DNAH17: variants seen among roughly 807,000 people sequenced by gnomAD.
DNAH17 encodes the protein dynein axonemal heavy chain 17.
A neutral mutation model predicts 485.6 loss-of-function variants in DNAH17; 376 were observed. The ratio of observed to expected loss-of-function variants is 0.77; its 90% CI spans 0.71 to 0.84. DNAH17 has a LOEUF of 0.84. Among genes scored for constraint, DNAH17 ranks in the 40% least tolerant of loss-of-function variants. DNAH17 has a pLI of 0.00. For missense variants in DNAH17, 6,370 were observed against 5,839.3 expected, an observed-to-expected ratio of 1.09 and a Z score of -2.96; for synonymous variants, 3,031 against 2,405.9, an observed-to-expected ratio of 1.26 and a Z score of -7.60.
chr17:78,562,097 C>G, intron 11 of DNAH17, 117 bp from the exon 12 acceptor site: 1 of 1,226,246 alleles, frequency 8.2e-7, no homozygotes, highest in Non-Finnish European at 1.1e-6. Context: ...TGTACCTTGC[C>G]AAAACAAAAC....
chr17:78,560,236 T>C (rs904190095), intron 13 of DNAH17, among the ~76,000 whole-genome samples: 1 of 152,192 alleles, frequency 6.6e-6, no homozygotes, highest in South Asian at 2.1e-4. Context: ...AACGAAAGAA[T>C]GAATGTTAGT....
intron 54 of DNAH17, among the ~76,000 whole-genome samples, chr17:78,473,444 T>C (rs1265331536): frequency 2.0e-5 from 3 of 147,284 alleles, no homozygotes; most frequent in Admixed American, 7.0e-5. Flanking sequence ...CTCAGGAGGC[T>C]GAGGCAGGAG....
rs2088217710 is a variant in DNAH17 at position 78,463,015 on chromosome 17, C to T, written c.9003G>A (p.Met3001Ile). The T allele has an allele frequency of 1.2e-6, 2 of 1,613,988 alleles. No individual in the cohort carries two copies. Among genetic ancestry groups the T allele is most frequent in the Non-Finnish European group, 1.7e-6 (2 of 1,179,890 alleles). The change falls in exon 57 of 81, where the codon ATG becomes ATA. Residue 3001 changes from methionine to isoleucine, a missense_variant. By Grantham distance (10) the Met-to-Ile change is conservative (BLOSUM62 1). Transcript: ENST00000389840. Reference sequence around the variant, plus strand: ...TCTCAGTAGCCAGGTATACCCTGGACATCTCGTTGACGGTGGTGTGCACGT... The same window carrying T: ...TCTCAGTAGCCAGGTATACCCTGGATATCTCGTTGACGGTGGTGTGCACGT... ...MSYVHTTVNE[M>I]SRVYLATERR... is the part of the protein sequence containing the mutation.
chr17:78,461,170 T>C (rs1358563996), intron 58 of DNAH17, among the ~76,000 whole-genome samples: 1 of 151,928 alleles, frequency 6.6e-6, no homozygotes, highest in African/African-American at 2.4e-5. Context: ...AGTGAGGTCT[T>C]CTCAACCCCT....
intron 41 of DNAH17, 170 bp downstream of exon 41, chr17:78,493,866 C>T (rs997153832): frequency 3.8e-4 from 370 of 961,420 alleles, no homozygotes; most frequent in Non-Finnish European, 5.2e-4. Context: ...TCCTCCCCTC[C>T]TCCTCGGCCC....
intron 27 of DNAH17, 43 bp downstream of exon 27, chr17:78,510,341 G>T (rs1351471450): frequency 1.2e-6 from 2 of 1,602,322 alleles, no homozygotes; most frequent in South Asian, 1.1e-5. Context: ...GCAGTTTCAG[G>T]CTGATCCCAC....
At chr17:78,546,302 C>A (rs2091762106) in intron 16 of DNAH17, among the ~76,000 whole-genome samples, 1 of 152,216 alleles carries the variant, frequency 6.6e-6, no homozygotes, top group South Asian at 2.1e-4. Context: ...ACTTGTCAAT[C>A]ATTTTATCTT....
intron 39 of DNAH17, 55 bp downstream of exon 39, chr17:78,494,904 T>C (rs1598581544): frequency 1.3e-6 from 2 of 1,583,710 alleles, no homozygotes; most frequent in Non-Finnish European, 1.7e-6. Flanking sequence ...CCCTGGCTGC[T>C]GCCCGCATCT....
At position 78,450,675 on chromosome 17, in the gene DNAH17, C is replaced by G. The variant is rs1459432086; in HGVS notation, c.10899+7G>C. The stretch of plus-strand genomic sequence containing the variant: ...CTGCCAGGGCACGTCACCGAGGCAG[C>G]TCTGACCTTCTCCTCGATCTCGCTG... On this transcript the variant is annotated splice_region_variant and intron_variant, in intron 67 of 80. Transcript: ENST00000389840. 1.9e-6 allele frequency: 3 copies of G among 1,610,788 alleles called. No homozygotes were observed. The highest frequency in any genetic ancestry group is 2.2e-5 in the East Asian group (1 of 44,838).
chr17:78,450,916 G>A, intron 66 of DNAH17, 70 bp from the exon 67 acceptor site: 1 of 1,577,332 alleles, frequency 6.3e-7, no homozygotes, highest in Non-Finnish European at 8.6e-7. Flanking sequence ...CCTCCCTCAG[G>A]TGGCCATGTA....
intron 3 of DNAH17, 150 bp from the exon 4 acceptor site, chr17:78,571,932 G>A: frequency 1.4e-6 from 1 of 716,788 alleles, no homozygotes; most frequent in Non-Finnish European, 2.2e-6. Context: ...AGCCACCTCG[G>A]GGACGCTAAA....
At position 78,490,559 on chromosome 17, in the gene DNAH17, G is replaced by C. The variant is rs947410045; in HGVS notation, c.6818+140C>G. 30 of 1,252,012 alleles carry C rather than the reference G, an allele frequency of 2.4e-5. No homozygotes were observed. In the African/African-American group the frequency reaches 4.5e-4, roughly 19 times the overall value. The allele number at this position is 1,252,012 out of a possible 1,614,324, so 77.6% of individuals were successfully genotyped here. A position where few individuals can be genotyped will look rare whatever the true frequency, so the allele number is the denominator to read the frequency against. Reference sequence around the variant, plus strand: ...TTCCCAGGTCTCTCACCCCTTCACTGCTGTGACACTGGTGCCTGGTGAGGG... The same window carrying C: ...TTCCCAGGTCTCTCACCCCTTCACTCCTGTGACACTGGTGCCTGGTGAGGG... On this transcript the variant is annotated intron_variant, in intron 44 of 80. Coordinates refer to ENST00000389840, the MANE Select transcript of DNAH17 (RefSeq NM_173628.4).
chr17:78,454,578 C>T lies in DNAH17; in HGVS notation c.10298G>A (p.Gly3433Asp). 4.3e-6 allele frequency: 7 copies of T among 1,613,078 alleles called. No individual in the cohort carries two copies. Among genetic ancestry groups the T allele is most frequent in the Non-Finnish European group, 5.9e-6 (7 of 1,179,834 alleles). ...RMSTENATILGNTERWPLIVD... is the reference protein window; with the variant it reads ...RMSTENATILDNTERWPLIVD... ...GATCAGCGGCCACCGCTCGGTGTTG[C>T]CCAGGATGGTGGCATTCTCGGTGGA... The change falls in exon 64 of 81, where the codon GGC (glycine) becomes GAC (aspartate). Residue 3433 changes from glycine (G) to aspartate (D), a missense_variant. By Grantham distance (94) the Gly-to-Asp change is moderately conservative (BLOSUM62 -1). Transcript: ENST00000389840.
rs866364674 is a variant in DNAH17 at position 78,536,285 on chromosome 17, T to A, written c.2859+1014A>T. 4.1e-4 allele frequency among the ~76,000 whole-genome samples: 62 copies of A among 150,652 alleles called. 1 individual carries two copies. The highest frequency in any genetic ancestry group is 1.5e-3 in the African/African-American group (60 of 40,982). On this transcript the variant is annotated intron_variant, in intron 19 of 80. Coordinates refer to ENST00000389840, the MANE Select transcript of DNAH17 (RefSeq NM_173628.4). ...AAACCCCGTCTCTACTAAAAATATA[T>A]AAAAAAAAAGAAAAATTAGCCAGGC...
rs762234121 is a variant in DNAH17, at chr17:78,551,636, C to T, written c.2290G>A (p.Val764Met). The T allele has an allele frequency of 6.2e-7, 1 of 1,613,816 alleles. No homozygotes were observed. Among genetic ancestry groups the T allele is most frequent in the South Asian group, 1.1e-5 (1 of 91,074 alleles). ...CGCACCTCTTGAATGTACTGAAACACACCTAAAATGGAAATGTAGAGGAAT... is the reference window on the plus strand; with the variant it reads ...CGCACCTCTTGAATGTACTGAAACATACCTAAAATGGAAATGTAGAGGAAT... ...ETTLFWNGEG[V>M]FQYIQEVREI... The change falls in exon 16 of 81, where the codon GTG (valine) becomes ATG (methionine). Residue 764 changes from valine to methionine, a missense_variant and splice_region_variant. Transcript: ENST00000389840.
chr17:78,466,234 A>G, intron 56 of DNAH17, among the ~76,000 whole-genome samples: 1 of 152,154 alleles, frequency 6.6e-6, no homozygotes, highest in Non-Finnish European at 1.5e-5. Context: ...TGAAGGCAGC[A>G]TGCTCGTTAA....
chr17:78,532,330 C>T (rs368654340), intron 20 of DNAH17, among the ~76,000 whole-genome samples, 152 bp downstream of exon 20: 6 of 152,194 alleles, frequency 3.9e-5, no homozygotes, highest in Admixed American at 3.3e-4. Context: ...AACAAACTGC[C>T]TTTCTAATGG....
At chr17:78,432,644 C>G (rs776304579) in intron 75 of DNAH17, among the ~76,000 whole-genome samples, 3 of 152,256 alleles carry the variant, frequency 2.0e-5, no homozygotes, top group Non-Finnish European at 4.4e-5. Context: ...CATCAGAGGT[C>G]ACCTCCTGGG....
chr17:78,486,619 A>T (rs140894351), intron 44 of DNAH17, 113 bp from the exon 45 acceptor site: 2 of 1,328,382 alleles, frequency 1.5e-6, no homozygotes, highest in Admixed American at 2.6e-5. Context: ...GGCTGCCCTC[A>T]GGGTCACCAT....
Sources: gnomAD v4.1 joint callset for allele counts (sites outside exome capture counted in the v4.1 genomes callset) on GRCh38, gnomAD v4.1.1 for gene constraint, MANE v1.5 for transcripts, NCBI Gene and HGNC (gene_info 2026-07-23, HGNC 2026-07-21) for gene names.